Variants in DDX4 observed in about 807,000 individuals in gnomAD.
DDX4 encodes the protein probable ATP-dependent RNA helicase DDX4.
Under a neutral mutation model 100.0 loss-of-function variants are expected in DDX4, and 25 were observed. The ratio of observed to expected loss-of-function variants is 0.25; its 90% CI spans 0.18 to 0.35. The LOEUF is 0.35. Ranked by LOEUF, DDX4 falls within the 10% of genes least tolerant of loss-of-function variation. DDX4 has a pLI of 1.00. For synonymous variants in DDX4, 259 were observed against 275.7 expected (o/e 0.94, Z 0.60); for missense variants, 635 against 882.4 (o/e 0.72, Z 3.55).
intron 3 of DDX4, among the ~76,000 whole-genome samples, chr5:55,746,988 T>C (rs2111610779): frequency 6.6e-6 from 1 of 151,912 alleles, no homozygotes; most frequent in East Asian, 1.9e-4. Flanking sequence ...TCCCAGCACT[T>C]TGGGAAGCCG....
chr5:55,760,920 T>C (rs1241046774), intron 4 of DDX4, among the ~76,000 whole-genome samples: 1 of 152,192 alleles, frequency 6.6e-6, no homozygotes, highest in Admixed American at 6.5e-5. Flanking sequence ...GTCATTTTTT[T>C]ATCTTTTAGG....
intron 7 of DDX4, among the ~76,000 whole-genome samples, chr5:55,775,990 G>A (rs1399617854): frequency 2.0e-5 from 3 of 152,112 alleles, no homozygotes; most frequent in African/African-American, 7.2e-5. Context: ...GCGTGGTGGT[G>A]CAGCCCTGTA....
chr5:55,772,627 T>A (rs1399046219), intron 7 of DDX4, among the ~76,000 whole-genome samples: 1 of 152,162 alleles, frequency 6.6e-6, no homozygotes, highest in Non-Finnish European at 1.5e-5. Flanking sequence ...GGGGCGCAGA[T>A]CTCTCATGAA....
In DDX4 at chr5:55,815,300, A is replaced by G. The variant is rs1580618054; in HGVS notation, c.1987-13A>G. 10 of 1,603,652 alleles carry G rather than the reference A, an allele frequency of 6.2e-6. No homozygotes were observed. The East Asian group carries it at 2.0e-4, about 32-fold the overall frequency. ...ATACTTTATGTTGCATATGAAGTCA[A>G]TTTTTTTTAAAGGCTCAACAGGATG... On this transcript the variant is annotated splice_polypyrimidine_tract_variant and intron_variant, in intron 20 of 21. Transcript: ENST00000505374.
At chr5:55,789,991 A>G (rs1168164401) in intron 15 of DDX4, among the ~76,000 whole-genome samples, 3 of 152,070 alleles carry the variant, frequency 2.0e-5, no homozygotes, top group Non-Finnish European at 4.4e-5. Flanking sequence ...ATATCTTGCT[A>G]ATCCTCATGT....
At chr5:55,760,875 G>A (rs1740491524) in intron 4 of DDX4, among the ~76,000 whole-genome samples, 1 of 152,092 alleles carries the variant, frequency 6.6e-6, no homozygotes, top group African/African-American at 2.4e-5. Context: ...TAACATATTA[G>A]AACTTCAGGT....
chr5:55,781,791 T>TTAA, intron 9 of DDX4, 143 bp from the exon 10 acceptor site: 1 of 877,882 alleles, frequency 1.1e-6, no homozygotes, highest in Non-Finnish European at 1.7e-6. Flanking sequence ...AAAAAAAAGT[T>TTAA]AAATCTAAAA....
intron 10 of DDX4, among the ~76,000 whole-genome samples, chr5:55,784,457 C>A (rs1214971252): frequency 6.6e-6 from 1 of 152,184 alleles, no homozygotes; most frequent in South Asian, 2.1e-4. Flanking sequence ...CACAGACATA[C>A]CCAGAAATAA....
At chr5:55,766,765 C>T in intron 6 of DDX4, 3 of 686,996 alleles carry the variant, frequency 4.4e-6, no homozygotes, top group South Asian at 3.0e-5. Context: ...CTTAATGTTC[C>T]CAGATATTAA....
At chr5:55,788,040 T>C in intron 15 of DDX4, 40 bp downstream of exon 15, 1 of 1,532,426 alleles carries the variant, frequency 6.5e-7, no homozygotes, top group South Asian at 1.3e-5. Flanking sequence ...TAGTTTTTTC[T>C]TTAGAGATTT....
intron 18 of DDX4, among the ~76,000 whole-genome samples, chr5:55,804,290 G>A (rs1345887200): frequency 6.6e-6 from 1 of 151,854 alleles, no homozygotes; most frequent in Non-Finnish European, 1.5e-5. Context: ...CACTCTGATG[G>A]TAGTTTCTTT....
chr5:55,758,847 G>T (rs115495938), intron 3 of DDX4, among the ~76,000 whole-genome samples: 3,172 of 125,214 alleles, frequency 0.025, 47 homozygotes, highest in Middle Eastern at 0.061. Context: ...TTTTTGAGCT[G>T]CTGTATTACG....
intron 3 of DDX4, among the ~76,000 whole-genome samples, chr5:55,752,926 G>T (rs1237912356): frequency 1.3e-5 from 2 of 151,344 alleles, no homozygotes; most frequent in Non-Finnish European, 2.9e-5. Flanking sequence ...GCATTTCTCT[G>T]ATGGCCAGTG....
At chr5:55,791,590 A>G (rs1486016584) in intron 16 of DDX4, among the ~76,000 whole-genome samples, 1 of 152,196 alleles carries the variant, frequency 6.6e-6, no homozygotes, top group East Asian at 1.9e-4. Context: ...AAATTTTACC[A>G]GTTAGAAGAT....
At chr5:55,798,240 A>G (rs1743083967) in intron 17 of DDX4, among the ~76,000 whole-genome samples, 186 bp from the exon 18 acceptor site, 1 of 152,202 alleles carries the variant, frequency 6.6e-6, no homozygotes, top group Admixed American at 6.5e-5. Context: ...TGTATTTTGC[A>G]AAATCCTAAT....
intron 7 of DDX4, among the ~76,000 whole-genome samples, chr5:55,778,466 C>T (rs1741705289): frequency 6.6e-6 from 1 of 151,056 alleles, no homozygotes. Context: ...AGTGTTCAAG[C>T]CAAGTAGTTA....
chr5:55,785,423 C>G (rs778994474), intron 11 of DDX4, 24 bp from the exon 12 acceptor site: 3 of 1,600,608 alleles, frequency 1.9e-6, no homozygotes, highest in Non-Finnish European at 2.6e-6. Flanking sequence ...ACATGTATCT[C>G]TTTTTTATTT....
intron 10 of DDX4, among the ~76,000 whole-genome samples, chr5:55,782,638 A>G (rs1359731161): frequency 6.6e-6 from 1 of 152,100 alleles, no homozygotes; most frequent in Non-Finnish European, 1.5e-5. Flanking sequence ...TTAATAAAAT[A>G]ATAATCATGA....
At chr5:55,780,101 A>T in intron 8 of DDX4, 36 bp downstream of exon 8, 1 of 1,607,950 alleles carries the variant, frequency 6.2e-7, no homozygotes, top group Non-Finnish European at 8.5e-7. Flanking sequence ...TGCTTCATTA[A>T]CTGTTAAAAA....
Sources: gnomAD v4.1 joint callset for allele counts (sites outside exome capture counted in the v4.1 genomes callset) on GRCh38, gnomAD v4.1.1 for gene constraint, MANE v1.5 for transcripts, NCBI Gene and HGNC (gene_info 2026-07-23, HGNC 2026-07-21) for gene names.